Variants in EML1 observed in about 807,000 individuals in gnomAD.
EML1 encodes the protein echinoderm microtubule-associated protein-like 1.
Under a neutral mutation model 110.4 loss-of-function variants are expected in EML1, and 27 were observed. That is an observed-to-expected ratio of 0.24 (90% CI 0.18 to 0.34). EML1 has a LOEUF of 0.34. Ranked by LOEUF, EML1 falls within the 10% of genes least tolerant of loss-of-function variation. The probability of loss-of-function intolerance (pLI) is 1.00; values close to 1 mark genes in which losing one functional copy is unlikely to be tolerated. For missense variants in EML1, 741 were observed against 1,030.9 expected (o/e 0.72, Z 3.85); for synonymous variants, 344 against 385.8 (o/e 0.89, Z 1.27).
At chr14:99,809,373 A>C in intron 1 of EML1, 1 of 169,506 alleles carries the variant, frequency 5.9e-6, no homozygotes, top group South Asian at 1.4e-4. Flanking sequence ...TCTCCCTCAA[A>C]GCACAATCTG....
chr14:99,909,985 C>T (rs1196053036), intron 11 of EML1, among the ~76,000 whole-genome samples: 1 of 152,116 alleles, frequency 6.6e-6, no homozygotes, highest in Non-Finnish European at 1.5e-5. Context: ...CCTCCGCTTG[C>T]TGTCTGCAGC....
At chr14:99,829,878 C>G (rs995695953) in intron 1 of EML1, among the ~76,000 whole-genome samples, 18 of 152,162 alleles carry the variant, frequency 1.2e-4, no homozygotes, top group African/African-American at 4.1e-4. Flanking sequence ...TCCCATTTTG[C>G]TTATCCGTTC....
chr14:99,766,110 C>T (rs183722645), intron 1 of EML1, among the ~76,000 whole-genome samples: 2 of 151,528 alleles, frequency 1.3e-5, no homozygotes, highest in East Asian at 3.9e-4. Context: ...GGTGTGCAAA[C>T]ACCTATCTGA....
chr14:99,820,312 G>T (rs1446071003), intron 1 of EML1, among the ~76,000 whole-genome samples: 1 of 152,220 alleles, frequency 6.6e-6, no homozygotes, highest in Admixed American at 6.5e-5. Context: ...GCTCTCACTT[G>T]TAATCAGTGA....
intron 1 of EML1, among the ~76,000 whole-genome samples, chr14:99,823,653 A>C (rs2058302015): frequency 6.6e-6 from 1 of 152,020 alleles, no homozygotes; most frequent in African/African-American, 2.4e-5. Flanking sequence ...TCTGGGAAAG[A>C]GCAGTGAAGA....
At chr14:99,802,559 G>A (rs941236946) in intron 1 of EML1, among the ~76,000 whole-genome samples, 1 of 152,070 alleles carries the variant, frequency 6.6e-6, no homozygotes, top group Non-Finnish European at 1.5e-5. Flanking sequence ...CATTAAGAGT[G>A]GGGAGAGGGC....
chr14:99,927,860 AGTGGTAGTAGTGGTGGCGGTGG>A (rs2060270901), intron 17 of EML1, among the ~76,000 whole-genome samples: 1 of 3,124 alleles, frequency 3.2e-4, no homozygotes, highest in Non-Finnish European at 5.7e-4. Flanking sequence ...TGGTGGTGGT[AGTGGTAGTAGTGGTGGCGGTGG>A]TGGTGGTGGT....
chr14:99,801,366 A>C (rs1473656920), intron 1 of EML1, among the ~76,000 whole-genome samples: 3 of 152,188 alleles, frequency 2.0e-5, no homozygotes, highest in Non-Finnish European at 4.4e-5. Flanking sequence ...CTGTAATCCC[A>C]GCACTTTGGG....
chr14:99,820,293 T>C (rs189628102), intron 1 of EML1, among the ~76,000 whole-genome samples: 32 of 152,376 alleles, frequency 2.1e-4, no homozygotes, highest in African/African-American at 7.7e-4. Flanking sequence ...GTGAATTGTA[T>C]GGCACGTTGC....
At chr14:99,868,543 G>A (rs1031709083) in intron 3 of EML1, among the ~76,000 whole-genome samples, 2 of 151,928 alleles carry the variant, frequency 1.3e-5, no homozygotes, top group Non-Finnish European at 2.9e-5. Flanking sequence ...AGTCCTGGTG[G>A]GCTTTGTGTT....
chr14:99,826,774 C>A (rs576898529), intron 1 of EML1, among the ~76,000 whole-genome samples: 1 of 152,036 alleles, frequency 6.6e-6, no homozygotes, highest in East Asian at 1.9e-4. Flanking sequence ...TTGAAGAATT[C>A]CATGCATGTT....
intron 2 of EML1, among the ~76,000 whole-genome samples, chr14:99,859,203 AT>A (rs1486108113): frequency 6.6e-6 from 1 of 152,236 alleles, no homozygotes; most frequent in Non-Finnish European, 1.5e-5. Flanking sequence ...TGGACCTGAG[AT>A]TTTTAATACC....
intron 9 of EML1, among the ~76,000 whole-genome samples, chr14:99,902,763 TCTC>T (rs1219489658): frequency 6.6e-6 from 1 of 152,148 alleles, no homozygotes; most frequent in East Asian, 1.9e-4. Flanking sequence ...GGTAAATTCC[TCTC>T]CTCTTGGGGG....
chr14:99,913,247 T>A (rs947061559), intron 13 of EML1, among the ~76,000 whole-genome samples: 1 of 152,152 alleles, frequency 6.6e-6, no homozygotes, highest in East Asian at 1.9e-4. Context: ...AGTGGCGTGA[T>A]CTTCAGCCTC....
At chr14:99,902,928 C>T (rs768849752) in intron 9 of EML1, among the ~76,000 whole-genome samples, 45 of 152,156 alleles carry the variant, frequency 3.0e-4, no homozygotes, top group Non-Finnish European at 6.0e-4. Flanking sequence ...CAATTTGATT[C>T]CTTAAAGGAA....
At chr14:99,932,990 C>T (rs2060400319) in intron 17 of EML1, among the ~76,000 whole-genome samples, 2 of 152,042 alleles carry the variant, frequency 1.3e-5, no homozygotes, top group South Asian at 4.2e-4. Flanking sequence ...TAGTAGCGCA[C>T]ATCTGTAGTC....
intron 8 of EML1, 37 bp from the exon 9 acceptor site, chr14:99,900,892 A>G (rs778116769): frequency 6.4e-7 from 1 of 1,571,418 alleles, no homozygotes; most frequent in Non-Finnish European, 8.8e-7. Flanking sequence ...GTGTATCACC[A>G]TCACAATTGA....
intron 1 of EML1, among the ~76,000 whole-genome samples, chr14:99,835,473 T>A (rs150207733): frequency 6.8e-4 from 104 of 152,326 alleles, no homozygotes; most frequent in Non-Finnish European, 1.2e-3. Flanking sequence ...TTTGCTCTAA[T>A]GTATATTGCT....
chr14:99,850,337 G>T (rs1259990893), intron 1 of EML1: 3 of 1,288,990 alleles, frequency 2.3e-6, no homozygotes, highest in African/African-American at 1.5e-5. Flanking sequence ...TTCTGAGTAA[G>T]AAAATATGAT....
Sources: allele counts gnomAD v4.1 joint callset (sites outside exome capture counted in the v4.1 genomes callset), GRCh38; gene constraint gnomAD v4.1.1; transcripts MANE v1.5; gene names NCBI Gene and HGNC (gene_info 2026-07-23, HGNC 2026-07-21).